CAMP: variants seen among roughly 807,000 people sequenced by gnomAD.
The protein encoded by CAMP is cathelicidin antimicrobial peptide.
A neutral mutation model predicts 12.7 loss-of-function variants in CAMP; 10 were observed. The observed-to-expected ratio is 0.79, with a 90% CI of 0.49 to 1.34. The LOEUF (loss-of-function observed/expected upper bound fraction) is 1.34, where lower values mean the gene tolerates loss of function less well. Ranked by LOEUF, CAMP falls within the 40% of genes most tolerant of loss-of-function variation. The probability of loss-of-function intolerance (pLI) is 0.00; values close to 1 mark genes in which losing one functional copy is unlikely to be tolerated. For synonymous variants in CAMP, 87 were observed against 85.2 expected, an observed-to-expected ratio of 1.02 and a Z score of -0.12; for missense variants, 205 against 213.0, an observed-to-expected ratio of 0.96 and a Z score of 0.23.
At position 48,225,380 on chromosome 3, in the gene CAMP, A is replaced by G; in HGVS notation, c.469A>G (p.Ile157Val). The change falls in exon 4 of 4, where the codon ATC becomes GTC. Residue 157 changes from isoleucine to valine, a missense_variant. Coordinates refer to ENST00000652295, the MANE Select transcript of CAMP (RefSeq NM_004345.5). ...GKEFKRIVQR[I>V]KDFLRNLVPR... Reference sequence around the variant, plus strand: ...AGAGTTTAAAAGAATTGTCCAGAGAATCAAGGATTTTTTGCGGAATCTTGT... The same window carrying G: ...AGAGTTTAAAAGAATTGTCCAGAGAGTCAAGGATTTTTTGCGGAATCTTGT... 1 of 1,613,814 alleles carries G rather than the reference A, an allele frequency of 6.2e-7. No individual in the cohort carries two copies. Among genetic ancestry groups the G allele is most frequent in the Non-Finnish European group, 8.5e-7 (1 of 1,179,760 alleles).
chr3:48,224,334 C>T lies in CAMP; in HGVS notation c.202-20C>T, dbSNP rs754751266. Reference sequence around the variant, plus strand: ...TCAGAAAATACAAGAATGGGCCTCCCCATTTCCTCCTCTGACTAGGATGGG... The same window carrying T: ...TCAGAAAATACAAGAATGGGCCTCCTCATTTCCTCCTCTGACTAGGATGGG... On this transcript the variant is annotated intron_variant, in intron 1 of 3. Transcript: ENST00000652295. The T allele has an allele frequency of 1.3e-6, 2 of 1,534,174 alleles. No homozygotes were observed. Among genetic ancestry groups the T allele is most frequent in the South Asian group, 1.1e-5 (1 of 89,336 alleles).
Position 48,223,645 on chromosome 3 carries a change from G to C in CAMP, c.134G>C (p.Gly45Ala), listed in dbSNP as rs2033453817. Residue 45 changes from glycine to alanine, a missense_variant, in exon 1 of 4, where the codon GGC (glycine) becomes GCC (alanine). Gly to Ala is a moderately conservative substitution (Grantham distance 60). Transcript: ENST00000652295. ...YKEAVLRAIDGINQRSSDANL... is the reference protein window; with the variant it reads ...YKEAVLRAIDAINQRSSDANL... ...GAAGCTGTGCTTCGTGCTATAGATG[G>C]CATCAACCAGCGGTCCTCGGATGCT... The C allele has an allele frequency of 6.2e-7, 1 of 1,614,138 alleles. No individual in the cohort carries two copies. Among genetic ancestry groups the C allele is most frequent in the South Asian group, 1.1e-5 (1 of 91,076 alleles).
chr3:48,224,310 C>A, intron 1 of CAMP, 44 bp from the exon 2 acceptor site: 1 of 1,360,568 alleles, frequency 7.3e-7, no homozygotes, highest in South Asian at 1.2e-5. Context: ...GGACACAAAT[C>A]AGAAAATACA....
Position 48,223,702 on chromosome 3 carries a change from G to T in CAMP, c.191G>T (p.Arg64Met), listed in dbSNP as rs369331298. The T allele has an allele frequency of 1.2e-6, 2 of 1,613,564 alleles. No homozygotes were observed. Among genetic ancestry groups the T allele is most frequent in the African/African-American group, 2.7e-5 (2 of 74,900 alleles). Residue 64 changes from arginine (R) to methionine (M), a missense_variant, in exon 1 of 4, where the codon AGG becomes ATG. By Grantham distance (91) the Arg-to-Met change is moderately conservative. Coordinates refer to ENST00000652295, the MANE Select transcript of CAMP (RefSeq NM_004345.5). The part of the protein sequence containing the change: ...NLYRLLDLDP[R>M]PTMDGDPDTP... ...TACCGCCTCCTGGACCTGGACCCCA[G>T]GCCCACGATGGTGAGCTTTGGGGGA...
chr3:48,224,699 G>C, intron 3 of CAMP, 25 bp downstream of exon 3: 1 of 1,509,242 alleles, frequency 6.6e-7, no homozygotes, highest in African/African-American at 1.4e-5. Flanking sequence ...CTGGGATGCA[G>C]GGGCTGATGG....
In CAMP at chr3:48,223,546, G is replaced by A. The variant is rs147132139; in HGVS notation, c.35G>A (p.Arg12Gln). 1,044 of 1,608,796 alleles carry A rather than the reference G, an allele frequency of 6.5e-4. 3 individuals are homozygous for A. Among genetic ancestry groups the A allele is most frequent in the Middle Eastern group, 1.2e-3 (7 of 5,608 alleles). Reference protein sequence around the residue: ...KTQRDGHSLGRWSLVLLLLGL... With the variant: ...KTQRDGHSLGQWSLVLLLLGL... ...CAAAGGGATGGCCACTCCCTGGGGC[G>A]GTGGTCACTGGTGCTCCTGCTGCTG... Residue 12 changes from arginine to glutamine, a missense_variant, in exon 1 of 4, where the codon CGG becomes CAG. By Grantham distance (43) the Arg-to-Gln change is conservative. Transcript: ENST00000652295.
At chr3:48,224,823 C>T (rs1043360343) in intron 3 of CAMP, 149 bp downstream of exon 3, 15 of 667,602 alleles carry the variant, frequency 2.2e-5, no homozygotes, top group Admixed American at 8.1e-5. Flanking sequence ...TCTCCAGGGC[C>T]GGCTCTGGAA....
At chr3:48,225,192 C>T (rs554282453) in intron 3 of CAMP, 101 bp from the exon 4 acceptor site, 79 of 1,201,664 alleles carry the variant, frequency 6.6e-5, no homozygotes, top group African/African-American at 3.9e-4. Context: ...AAAGCTCCTG[C>T]GGGGGCCCAC....
chr3:48,224,528 A>G (rs2033477953), intron 2 of CAMP, 67 bp downstream of exon 2: 1 of 1,535,672 alleles, frequency 6.5e-7, no homozygotes, highest in Non-Finnish European at 9.0e-7. Context: ...CACCTGGGGA[A>G]TATTTCCCAC....
intron 1 of CAMP, among the ~76,000 whole-genome samples, chr3:48,224,140 G>C (rs146992866): frequency 6.6e-6 from 1 of 152,130 alleles, no homozygotes; most frequent in Non-Finnish European, 1.5e-5. Flanking sequence ...GGGGCTCCTT[G>C]TTAGAGCTCA....
Position 48,223,692 on chromosome 3 carries a change from C to T in CAMP, c.181C>T (p.Leu61=), listed in dbSNP as rs1307887854. Residue 61 remains leucine (L), a synonymous_variant, in exon 1 of 4, where the codon CTG becomes TTG. Transcript: ENST00000652295. ...SDANLYRLLD[L]DPRPTMDGDP... ...TGCTAACCTCTACCGCCTCCTGGAC[C>T]TGGACCCCAGGCCCACGATGGTGAG... is the stretch of plus-strand genomic sequence containing the variant. The T allele has an allele frequency of 6.2e-7, 1 of 1,613,996 alleles. No homozygotes were observed. Among genetic ancestry groups the T allele is most frequent in the African/African-American group, 1.3e-5 (1 of 75,036 alleles).
Position 48,225,303 on chromosome 3 carries a change from G to T in CAMP, c.392G>T (p.Arg131Ile), listed in dbSNP as rs1428353784. ...FDISCDKDNKRFALLGDFFRK... is the reference protein window; with the variant it reads ...FDISCDKDNKIFALLGDFFRK... ...TGTACACAACCCCAGGATAACAAGA[G>T]ATTTGCCCTGCTGGGTGATTTCTTC... Residue 131 changes from arginine to isoleucine, a missense_variant, in exon 4 of 4, where the codon AGA becomes ATA. By Grantham distance (97) the Arg-to-Ile change is moderately conservative. Transcript: ENST00000652295. The T allele has an allele frequency of 1.2e-5, 19 of 1,613,382 alleles. No homozygotes were observed. Among genetic ancestry groups the T allele is most frequent in the Non-Finnish European group, 1.7e-6 (2 of 1,179,608 alleles).
chr3:48,224,398 G>A lies in CAMP; in HGVS notation c.246G>A (p.Lys82=), dbSNP rs1465877832. Residue 82 remains lysine (K), a synonymous_variant, in exon 2 of 4, where the codon AAG becomes AAA. Transcript: ENST00000652295. ...DTPKPVSFTV[K]ETVCPRTTQQ... ...CAAAGCCTGTGAGCTTCACAGTGAAGGAGACAGTGTGCCCCAGGACGACAC... is the reference window on the plus strand; with the variant it reads ...CAAAGCCTGTGAGCTTCACAGTGAAAGAGACAGTGTGCCCCAGGACGACAC... 2.5e-6 allele frequency: 4 copies of A among 1,613,942 alleles called. No homozygotes were observed. In the African/African-American group the frequency reaches 5.3e-5, roughly 22 times the overall value.
At chr3:48,225,193 G>A (rs997855667) in intron 3 of CAMP, 100 bp from the exon 4 acceptor site, 17 of 1,213,604 alleles carry the variant, frequency 1.4e-5, no homozygotes, top group East Asian at 7.2e-5. Flanking sequence ...AAGCTCCTGC[G>A]GGGGCCCACG....
intron 3 of CAMP, 147 bp downstream of exon 3, chr3:48,224,821 G>C (rs1427254729): frequency 3.0e-6 from 2 of 669,836 alleles, no homozygotes. Context: ...CATCTCCAGG[G>C]CCGGCTCTGG....
Position 48,224,479 on chromosome 3 carries a change from G to A in CAMP, c.309+18G>A. 1.3e-6 allele frequency: 2 copies of A among 1,565,054 alleles called. No homozygotes were observed. Among genetic ancestry groups the A allele is most frequent in the Non-Finnish European group, 1.8e-6 (2 of 1,135,256 alleles). ...AGGACGGGGTGAGGCTGGGGGCTGG[G>A]GGTGTTGGTGGGTGCCTCCCAAGGA... On this transcript the variant is annotated intron_variant, in intron 2 of 3. Coordinates refer to ENST00000652295, the MANE Select transcript of CAMP (RefSeq NM_004345.5).
chr3:48,225,347 A>G lies in CAMP; in HGVS notation c.436A>G (p.Ile146Val). 1 of 1,613,586 alleles carries G rather than the reference A, an allele frequency of 6.2e-7. No homozygotes were observed. The highest frequency in any genetic ancestry group is 1.7e-5 in the Admixed American group (1 of 60,018). The part of the protein sequence containing the change: ...GDFFRKSKEK[I>V]GKEFKRIVQR... The stretch of plus-strand genomic sequence containing the variant: ...TTTCTTCCGGAAATCTAAAGAGAAG[A>G]TTGGCAAAGAGTTTAAAAGAATTGT... Residue 146 changes from isoleucine to valine, a missense_variant, in exon 4 of 4, where the codon ATT (isoleucine) becomes GTT (valine). Ile to Val is a conservative substitution (Grantham distance 29, BLOSUM62 3). Coordinates refer to ENST00000652295, the MANE Select transcript of CAMP (RefSeq NM_004345.5).
At chr3:48,225,258 A>T in intron 3 of CAMP, 35 bp from the exon 4 acceptor site, 1 of 1,609,860 alleles carries the variant, frequency 6.2e-7, no homozygotes, top group Admixed American at 1.7e-5. Context: ...TACATCCCCG[A>T]CAAGGAACCT....
At position 48,223,709 on chromosome 3, in the gene CAMP, G is replaced by C. The variant is rs372766689; in HGVS notation, c.198G>C (p.Thr66=). The C allele has an allele frequency of 5.0e-6, 8 of 1,613,120 alleles. No individual in the cohort carries two copies. In the Admixed American group the frequency reaches 1.3e-4, roughly 27 times the overall value. Reference sequence around the variant, plus strand: ...TCCTGGACCTGGACCCCAGGCCCACGATGGTGAGCTTTGGGGGACATTCTG... The same window carrying C: ...TCCTGGACCTGGACCCCAGGCCCACCATGGTGAGCTTTGGGGGACATTCTG... ...YRLLDLDPRP[T]MDGDPDTPKP... is the part of the protein sequence containing the mutation. The change falls in exon 1 of 4, where the codon ACG becomes ACC. Residue 66 remains threonine, a synonymous_variant. Transcript: ENST00000652295.
Sources: allele counts gnomAD v4.1 joint callset (sites outside exome capture counted in the v4.1 genomes callset), GRCh38; gene constraint gnomAD v4.1.1; transcripts MANE v1.5; gene names NCBI Gene and HGNC (gene_info 2026-07-23, HGNC 2026-07-21).